The following ROBO2 variants were observed in gnomAD, a reference collection of about 807,000 sequenced individuals.
ROBO2 encodes roundabout homolog 2.
A neutral mutation model predicts 160.8 loss-of-function variants in ROBO2; 53 were observed. The ratio of observed to expected loss-of-function variants is 0.33; its 90% CI spans 0.26 to 0.41. The LOEUF (loss-of-function observed/expected upper bound fraction) is 0.41, where lower values mean the gene tolerates loss of function less well. Ranked by LOEUF, ROBO2 falls within the 10% of genes least tolerant of loss-of-function variation. ROBO2 has a pLI of 1.00. For synonymous variants in ROBO2, 664 were observed against 611.7 expected (o/e 1.09, Z -1.26); for missense variants, 1,577 against 1,722.4 (o/e 0.92, Z 1.49).
intron 2 of ROBO2, among the ~76,000 whole-genome samples, chr3:76,932,607 C>A (rs1475249998): frequency 1.3e-5 from 2 of 152,008 alleles, no homozygotes; most frequent in East Asian, 1.9e-4. Context: ...AAAAGTACAT[C>A]CAGGTAAAAC....
In ROBO2 at chr3:76,441,418, G is replaced by A. The variant is rs115058951; in HGVS notation, c.109+503816G>A. 5.3e-3 allele frequency among the ~76,000 whole-genome samples: 805 copies of A among 152,216 alleles called. 6 individuals are homozygous for A. Among genetic ancestry groups the A allele is most frequent in the Non-Finnish European group, 7.9e-3 (534 of 68,016 alleles). On this transcript the variant is annotated intron_variant, in intron 2 of 26. Transcript: ENST00000487694. ...AGCTTGTATAAAGAAACTGTTGGTC[G>A]AAAGAGTATCAGATATTTGGAAGAA...
At chr3:77,366,358 C>A (rs1421371389) in intron 2 of ROBO2, among the ~76,000 whole-genome samples, 1 of 151,966 alleles carries the variant, frequency 6.6e-6, no homozygotes, top group Non-Finnish European at 1.5e-5. Context: ...AAGAGTGAGG[C>A]TCTCATGAAG....
intron 2 of ROBO2, among the ~76,000 whole-genome samples, chr3:76,359,205 CT>C (rs991433583): frequency 6.6e-6 from 1 of 151,770 alleles, no homozygotes; most frequent in African/African-American, 2.4e-5. Context: ...CAAGTCTTTG[CT>C]ATTGTGAATA....
Position 76,619,318 on chromosome 3 carries a change from C to T in ROBO2, c.110-478696C>T, listed in dbSNP as rs1431284879. 1.3e-4 allele frequency among the ~76,000 whole-genome samples: 19 copies of T among 142,446 alleles called. No homozygotes were observed. In the East Asian group the frequency reaches 3.1e-3, roughly 23 times the overall value. 93.5% of individuals were successfully genotyped at this position (142,446 alleles called of 152,430 possible). ...TCGCGCCACTGCACTCCAGCCTGGGCGACAGAGCGAGACTCCGTCTCAAAA... is the reference window on the plus strand; with the variant it reads ...TCGCGCCACTGCACTCCAGCCTGGGTGACAGAGCGAGACTCCGTCTCAAAA... On this transcript the variant is annotated intron_variant, in intron 2 of 26. Coordinates refer to the ROBO2 transcript ENST00000487694.
chr3:77,027,988 T>A (rs2149536409), intron 2 of ROBO2, among the ~76,000 whole-genome samples: 1 of 152,276 alleles, frequency 6.6e-6, no homozygotes, highest in East Asian at 1.9e-4. Flanking sequence ...CTCTAGTTTT[T>A]GTTTCAGTGA....
chr3:76,023,790 G>A (rs1369561513), intron 2 of ROBO2, among the ~76,000 whole-genome samples: 3 of 151,472 alleles, frequency 2.0e-5, no homozygotes, highest in Non-Finnish European at 4.4e-5. Flanking sequence ...AAATTGGTGT[G>A]AATAGAATTG....
chr3:76,522,056 T>C (rs1468846292), intron 2 of ROBO2, among the ~76,000 whole-genome samples: 1 of 152,150 alleles, frequency 6.6e-6, no homozygotes, highest in Admixed American at 6.6e-5. Flanking sequence ...ATTAAAGAAA[T>C]TGACTAGTTT....
intron 5 of ROBO2, among the ~76,000 whole-genome samples, chr3:77,511,235 A>G (rs935093456): frequency 6.6e-6 from 1 of 151,972 alleles, no homozygotes; most frequent in Admixed American, 6.6e-5. Context: ...CATGTCTACC[A>G]TGGGAATGTA....
intron 2 of ROBO2, among the ~76,000 whole-genome samples, chr3:76,716,917 T>C (rs1230021068): frequency 6.6e-6 from 1 of 152,214 alleles, no homozygotes; most frequent in African/African-American, 2.4e-5. Context: ...CATGAAAATA[T>C]ACTAACATCA....
intron 2 of ROBO2, among the ~76,000 whole-genome samples, chr3:76,378,180 T>C (rs1405880309): frequency 6.6e-6 from 1 of 152,158 alleles, no homozygotes; most frequent in Non-Finnish European, 1.5e-5. Context: ...AAATGAAAAA[T>C]AAACCTCTAT....
intron 2 of ROBO2, among the ~76,000 whole-genome samples, chr3:76,490,646 AC>A (rs1438928393): frequency 1.3e-5 from 2 of 152,156 alleles, no homozygotes; most frequent in African/African-American, 4.8e-5. Context: ...AAAAGGACAC[AC>A]ATTTTTATAT....
At chr3:77,254,602 T>C (rs1194631498) in intron 2 of ROBO2, among the ~76,000 whole-genome samples, 1 of 152,216 alleles carries the variant, frequency 6.6e-6, no homozygotes, top group Non-Finnish European at 1.5e-5. Context: ...TGGAGAAAAT[T>C]GTTCCACTTT....
At chr3:76,627,507 C>G (rs559129583) in intron 2 of ROBO2, among the ~76,000 whole-genome samples, 1 of 152,346 alleles carries the variant, frequency 6.6e-6, no homozygotes, top group South Asian at 2.1e-4. Flanking sequence ...GAATGTCTCA[C>G]ATCAACTGTC....
chr3:76,514,341 A>C (rs972736756), intron 2 of ROBO2, among the ~76,000 whole-genome samples: 2 of 152,118 alleles, frequency 1.3e-5, no homozygotes, highest in African/African-American at 4.8e-5. Flanking sequence ...TACCTCCCCA[A>C]CTTTAAGAAC....
chr3:76,468,531 C>T (rs1316107664), intron 2 of ROBO2, among the ~76,000 whole-genome samples: 1 of 152,032 alleles, frequency 6.6e-6, no homozygotes, highest in Non-Finnish European at 1.5e-5. Context: ...GTCTTTCTCT[C>T]TCCACTTTTT....
chr3:77,146,905 T>C (rs2077164532), intron 2 of ROBO2, among the ~76,000 whole-genome samples: 1 of 152,086 alleles, frequency 6.6e-6, no homozygotes. Flanking sequence ...AGGCGGAGGT[T>C]GCGGTGAGCC....
At chr3:75,908,135 A>T (rs1214428630) in intron 1 of ROBO2, among the ~76,000 whole-genome samples, 5 of 152,196 alleles carry the variant, frequency 3.3e-5, no homozygotes, top group Admixed American at 3.3e-4. Context: ...GCAGGTAAGT[A>T]TACAAACGAT....
intron 2 of ROBO2, among the ~76,000 whole-genome samples, chr3:76,989,919 G>A (rs371169800): frequency 1.3e-5 from 2 of 152,066 alleles, no homozygotes; most frequent in African/African-American, 4.8e-5. Context: ...ACACTTAAAA[G>A]GTTGATTATT....
intron 21 of ROBO2, among the ~76,000 whole-genome samples, chr3:77,608,428 T>G (rs530263829): frequency 6.6e-6 from 1 of 152,284 alleles, no homozygotes; most frequent in East Asian, 1.9e-4. Flanking sequence ...AGAACTTTAA[T>G]CATCAGCTCT....
Sources: allele counts gnomAD v4.1 joint callset (sites outside exome capture counted in the v4.1 genomes callset), GRCh38; gene constraint gnomAD v4.1.1; transcripts MANE v1.5; gene names NCBI Gene and HGNC (gene_info 2026-07-23, HGNC 2026-07-21).